The following MAF variants were observed in gnomAD, a reference collection of about 807,000 sequenced individuals.
MAF encodes MAF bZIP transcription factor.
Under a neutral mutation model 22.0 loss-of-function variants are expected in MAF, and 10 were observed. The observed-to-expected ratio is 0.45, with a 90% CI of 0.28 to 0.77. The LOEUF is 0.77. MAF is among the 30% of genes least tolerant of loss of function. The pLI, the probability that MAF is intolerant of heterozygous loss-of-function variation, is 0.12. For synonymous variants in MAF, 337 were observed against 255.8 expected (o/e 1.32, Z -3.03); for missense variants, 544 against 548.4 (o/e 0.99, Z 0.08).
the MAF span, chr16:79,211,977 G>A: frequency 8.6e-6 from 13 of 1,513,496 alleles, no homozygotes; most frequent in Non-Finnish European, 1.1e-5. Flanking sequence ...AATTCCTGGG[G>A]TAAAGTATCA....
chr16:79,274,485 A>T, the MAF span, among the ~76,000 whole-genome samples: 1 of 151,986 alleles, frequency 6.6e-6, no homozygotes, highest in Non-Finnish European at 1.5e-5. Flanking sequence ...CACCCTGGAG[A>T]CTCTGGTGTC....
the MAF span, among the ~76,000 whole-genome samples, chr16:79,233,193 G>C: frequency 2.6e-4 from 40 of 152,134 alleles, 2 homozygotes; most frequent in African/African-American, 9.1e-4. Flanking sequence ...CAATGAAGAA[G>C]GATCTTGACT....
At chr16:79,433,185 G>A in the MAF span, among the ~76,000 whole-genome samples, 1 of 151,652 alleles carries the variant, frequency 6.6e-6, no homozygotes, top group East Asian at 1.9e-4. Flanking sequence ...GCCAAAGGGT[G>A]ACTGTCATTA....
the MAF span, among the ~76,000 whole-genome samples, chr16:79,502,736 T>C: frequency 6.2e-3 from 354 of 57,236 alleles, 20 homozygotes; most frequent in African/African-American, 0.021. Flanking sequence ...TATATATATA[T>C]ATATATATAT....
At chr16:79,277,589 A>G in the MAF span, among the ~76,000 whole-genome samples, 2 of 152,196 alleles carry the variant, frequency 1.3e-5, no homozygotes. Context: ...TGTATCTGCT[A>G]ACAGAGGAGA....
the MAF span, among the ~76,000 whole-genome samples, chr16:79,435,610 T>TGA: frequency 6.6e-6 from 1 of 152,198 alleles, no homozygotes; most frequent in Non-Finnish European, 1.5e-5. Context: ...AACTGTCTGC[T>TGA]CAGGGTCACA....
chr16:79,208,003 T>C, the MAF span, among the ~76,000 whole-genome samples: 19 of 152,320 alleles, frequency 1.2e-4, no homozygotes, highest in South Asian at 1.0e-3. Context: ...CAACTATAAA[T>C]AAACAGCAAC....
chr16:79,599,514 C>G lies in MAF; in HGVS notation c.389G>C (p.Gly130Ala). The stretch of plus-strand genomic sequence containing the variant: ...CAGCTGCTGCGCCCCGCGCGCGTAG[C>G]CATCGAAGCCGCCCTGGAGCTGGTG... ...NSHQLQGGFD[G>A]YARGAQQLAA... Residue 130 changes from glycine (G) to alanine (A), a missense_variant, in exon 1 of 2, where the codon GGC (glycine) becomes GCC (alanine). Around this residue, in one of 5 missense-constraint regions of MAF, gnomAD observed 342 missense variants for 315.5 expected, o/e 1.08. Coordinates refer to ENST00000326043, the MANE Select transcript of MAF (RefSeq NM_005360.5). 6.5e-7 allele frequency: 1 copy of G among 1,526,788 alleles called. No homozygotes were observed. The highest frequency in any genetic ancestry group is 8.8e-7 in the Non-Finnish European group (1 of 1,138,426). The allele number at this position is 1,526,788 out of a possible 1,614,324, so 94.6% of individuals were successfully genotyped here.
chr16:79,501,655 A>C, the MAF span, among the ~76,000 whole-genome samples: 1 of 152,200 alleles, frequency 6.6e-6, no homozygotes, highest in Non-Finnish European at 1.5e-5. Flanking sequence ...GACTGTCAAA[A>C]TTACATCAAA....
chr16:79,426,254 C>T, the MAF span, among the ~76,000 whole-genome samples: 4 of 151,902 alleles, frequency 2.6e-5, no homozygotes, highest in Admixed American at 2.0e-4. Flanking sequence ...AAAATACATG[C>T]CGGATTTCGA....
the MAF span, among the ~76,000 whole-genome samples, chr16:79,468,524 G>A: frequency 2.4e-4 from 36 of 152,324 alleles, no homozygotes; most frequent in Middle Eastern, 3.4e-3. Flanking sequence ...GTCAGTGAAC[G>A]ACTGCACCTG....
At chr16:79,392,911 G>T in the MAF span, among the ~76,000 whole-genome samples, 1 of 152,208 alleles carries the variant, frequency 6.6e-6, no homozygotes, top group Non-Finnish European at 1.5e-5. Context: ...TCCCCCTACA[G>T]CTGAGCAAAT....
At chr16:79,395,759 ATG>A in the MAF span, among the ~76,000 whole-genome samples, 1 of 152,204 alleles carries the variant, frequency 6.6e-6, no homozygotes, top group Non-Finnish European at 1.5e-5. Flanking sequence ...GCGAGAATAA[ATG>A]TGTGTTGTAA....
At chr16:79,306,528 T>G in the MAF span, among the ~76,000 whole-genome samples, 12 of 152,110 alleles carry the variant, frequency 7.9e-5, no homozygotes, top group Admixed American at 6.5e-4. Context: ...TATTATGAGA[T>G]GTAATAAGAC....
chr16:79,401,145 G>C, the MAF span, among the ~76,000 whole-genome samples: 10 of 152,232 alleles, frequency 6.6e-5, no homozygotes, highest in African/African-American at 2.4e-4. Flanking sequence ...CGTGGCGCTG[G>C]GTCCTCACTC....
the MAF span, among the ~76,000 whole-genome samples, chr16:79,533,113 T>C: frequency 6.6e-6 from 1 of 152,212 alleles, no homozygotes; most frequent in African/African-American, 2.4e-5. Context: ...ATGTCTTCAC[T>C]GGCCTCTTTA....
the MAF span, among the ~76,000 whole-genome samples, chr16:79,279,839 T>C: frequency 2.0e-5 from 3 of 152,204 alleles, no homozygotes; most frequent in African/African-American, 7.2e-5. Flanking sequence ...TCCCAGAGCT[T>C]TGGCAGAGCA....
the MAF span, among the ~76,000 whole-genome samples, chr16:79,344,250 C>G: frequency 1.3e-5 from 2 of 152,140 alleles, no homozygotes; most frequent in Non-Finnish European, 2.9e-5. Context: ...GAAACTGAGG[C>G]CCCAGTGAGA....
chr16:79,356,495 C>T, the MAF span, among the ~76,000 whole-genome samples: 1 of 152,278 alleles, frequency 6.6e-6, no homozygotes, highest in East Asian at 1.9e-4. Context: ...TCCTCACGTG[C>T]CTTCCATCTC....
Sources: gnomAD v4.1 joint callset for allele counts (sites outside exome capture counted in the v4.1 genomes callset) on GRCh38, gnomAD v4.1.1 for gene constraint, gnomAD v4.1.1 regional missense constraint, MANE v1.5 for transcripts, NCBI Gene and HGNC (gene_info 2026-07-23, HGNC 2026-07-21) for gene names.